The following NUP205 variants were observed in gnomAD, a reference collection of about 807,000 sequenced individuals.
NUP205 encodes nuclear pore complex protein Nup205.
Under a neutral mutation model 253.8 loss-of-function variants are expected in NUP205, and 76 were observed. That is an observed-to-expected ratio of 0.30 (90% CI 0.25 to 0.36). NUP205 has a LOEUF of 0.36. NUP205 is among the 10% of genes least tolerant of loss of function. The pLI is 1.00. For missense variants in NUP205, 2,162 were observed against 2,425.5 expected (o/e 0.89, Z 2.28); for synonymous variants, 832 against 850.1 (o/e 0.98, Z 0.37).
intron 10 of NUP205, among the ~76,000 whole-genome samples, chr7:135,590,978 A>G (rs1372607563): frequency 6.6e-6 from 1 of 152,218 alleles, no homozygotes; most frequent in Non-Finnish European, 1.5e-5. Flanking sequence ...GAAAATTAAG[A>G]AATAGACTTA....
Position 135,632,825 on chromosome 7 carries a change from G to A in NUP205, c.5059+2355G>A, listed in dbSNP as rs1794739908. On this transcript the variant is annotated intron_variant, in intron 35 of 42. Transcript: ENST00000285968. The stretch of plus-strand genomic sequence containing the variant: ...CAGGACTTAACTAATTACTCTCAAT[G>A]TACTTCTGTAAATTGCAGGGTCTCC... Among the ~76,000 whole-genome samples the A allele has an allele frequency of 2.0e-5, 3 of 152,080 alleles. No individual in the cohort carries two copies. In the South Asian group the frequency reaches 6.2e-4, roughly 32 times the overall value.
intron 22 of NUP205, among the ~76,000 whole-genome samples, chr7:135,612,213 A>G (rs1007142476): frequency 6.6e-6 from 1 of 152,214 alleles, no homozygotes; most frequent in East Asian, 1.9e-4. Context: ...TTATAAAGTC[A>G]TTGTGAAAAC....
At chr7:135,570,900 TTA>T (rs1486927880) in intron 1 of NUP205, among the ~76,000 whole-genome samples, 3 of 124,552 alleles carry the variant, frequency 2.4e-5, no homozygotes, top group African/African-American at 9.2e-5. Flanking sequence ...TATTATATAT[TTA>T]TATATAATAT....
intron 23 of NUP205, among the ~76,000 whole-genome samples, chr7:135,615,070 A>T (rs1794327496): frequency 6.6e-6 from 1 of 152,200 alleles, no homozygotes; most frequent in Non-Finnish European, 1.5e-5. Flanking sequence ...TTGTTTAAGA[A>T]GCTTTTAGAA....
chr7:135,558,117 C>A, intron 1 of NUP205, 145 bp downstream of exon 1: 2 of 720,394 alleles, frequency 2.8e-6, no homozygotes, highest in Non-Finnish European at 2.5e-6. Flanking sequence ...AGAGTCCCAC[C>A]CCTCCCCAGT....
At position 135,614,970 on chromosome 7, in the gene NUP205, G is replaced by C. The variant is rs144838562; in HGVS notation, c.3310+697G>C. ...TTGTCAGCATCTAATTTACCTTTTA[G>C]AGTAATGGCGTTAGACCTCTGAGAA... On this transcript the variant is annotated intron_variant, in intron 23 of 42. Transcript: ENST00000285968. Among the ~76,000 whole-genome samples, 275 of 152,258 alleles carry C rather than the reference G, an allele frequency of 1.8e-3. 1 individual carries two copies. The highest frequency in any genetic ancestry group is 6.3e-3 in the African/African-American group (263 of 41,550).
At chr7:135,637,691 A>G (rs961034293) in intron 36 of NUP205, among the ~76,000 whole-genome samples, 1 of 152,182 alleles carries the variant, frequency 6.6e-6, no homozygotes, top group Non-Finnish European at 1.5e-5. Context: ...TTTAGATGAT[A>G]CTGGGATTTA....
rs148456879 is a variant in NUP205 at position 135,607,136 on chromosome 7, G to A, written c.3071-111G>A. The A allele has an allele frequency of 6.6e-4, 883 of 1,336,190 alleles. 4 individuals are homozygous for A. The East Asian group carries it at 0.012, about 18-fold the overall frequency. The allele number at this position is 1,336,190 out of a possible 1,614,324, so 82.8% of individuals were successfully genotyped here. A position where few individuals can be genotyped will look rare whatever the true frequency, so the allele number is the denominator to read the frequency against. On this transcript the variant is annotated intron_variant, in intron 21 of 42. Coordinates refer to ENST00000285968, the MANE Select transcript of NUP205 (RefSeq NM_015135.3). ...TTTTCTGTTATCAGTATTTGAAAGA[G>A]TGTTTACAGTACAGCATATATTTAA... is the stretch of plus-strand genomic sequence containing the variant.
intron 1 of NUP205, among the ~76,000 whole-genome samples, chr7:135,566,960 C>G (rs1049358647): frequency 6.6e-6 from 1 of 150,814 alleles, no homozygotes; most frequent in African/African-American, 2.4e-5. Flanking sequence ...TGGCTGGTCT[C>G]GAACTCCTGA....
intron 20 of NUP205, 143 bp from the exon 21 acceptor site, chr7:135,606,608 A>G (rs1794090813): frequency 1.5e-6 from 1 of 656,666 alleles, no homozygotes; most frequent in Admixed American, 2.9e-5. Context: ...TCCACTTTAA[A>G]TAAATCTGAA....
chr7:135,578,028 TTGAG>T lies in NUP205; in HGVS notation c.877+6_877+9del. On this transcript the variant is annotated splice_donor_5th_base_variant and intron_variant, in intron 6 of 42. Transcript: ENST00000285968. ...CAAAGCACAGAGGAACGAGATGGTATTGAGTTTTATACATTTTCCTACATTAAAA... is the reference window on the plus strand; with the variant it reads ...CAAAGCACAGAGGAACGAGATGGTATTTTTATACATTTTCCTACATTAAAA... 6.3e-7 allele frequency: 1 copy of T among 1,587,804 alleles called. No homozygotes were observed. Among genetic ancestry groups the T allele is most frequent in the Middle Eastern group, 1.7e-4 (1 of 6,006 alleles).
At chr7:135,581,437 C>T (rs748743611) in intron 7 of NUP205, among the ~76,000 whole-genome samples, 6 of 151,922 alleles carry the variant, frequency 3.9e-5, no homozygotes, top group Non-Finnish European at 4.4e-5. Flanking sequence ...GTCCCAGCTA[C>T]GCAGGAGGCT....
At position 135,563,348 on chromosome 7, in the gene NUP205, T is replaced by C. The variant is rs751512390; in HGVS notation, c.28+5376T>C. On this transcript the variant is annotated intron_variant, in intron 1 of 42. Coordinates refer to ENST00000285968, the MANE Select transcript of NUP205 (RefSeq NM_015135.3). Reference sequence around the variant, plus strand: ...GACTACAGGCGCATGCCATCACGCCTGGCTAATTTTTTGTATTTTTGGTAG... The same window carrying C: ...GACTACAGGCGCATGCCATCACGCCCGGCTAATTTTTTGTATTTTTGGTAG... Among the ~76,000 whole-genome samples, 10 of 152,012 alleles carry C rather than the reference T, an allele frequency of 6.6e-5. No individual in the cohort carries two copies. The South Asian group carries it at 1.0e-3, about 16-fold the overall frequency.
In NUP205 at chr7:135,638,548, T is replaced by C. The variant is rs777652316; in HGVS notation, c.5266-9T>C. On this transcript the variant is annotated splice_polypyrimidine_tract_variant and intron_variant, in intron 37 of 42. Transcript: ENST00000285968. ...TCTTAACATTTTTGTTACTGTTTTTTGATTATAGATTTGTGCCAATGTAAT... is the reference window on the plus strand; with the variant it reads ...TCTTAACATTTTTGTTACTGTTTTTCGATTATAGATTTGTGCCAATGTAAT... The C allele has an allele frequency of 1.3e-5, 21 of 1,612,330 alleles. No homozygotes were observed. Among genetic ancestry groups the C allele is most frequent in the Non-Finnish European group, 1.7e-5 (20 of 1,179,410 alleles).
intron 24 of NUP205, among the ~76,000 whole-genome samples, chr7:135,616,273 C>G (rs184006359): frequency 2.6e-5 from 4 of 152,176 alleles, no homozygotes; most frequent in African/African-American, 9.6e-5. Context: ...TATAATCATA[C>G]CGGTATTATA....
In NUP205 at chr7:135,606,222, A is replaced by G. The variant is rs774593308; in HGVS notation, c.2901A>G (p.Glu967=). 1 of 1,601,370 alleles carries G rather than the reference A, an allele frequency of 6.2e-7. No homozygotes were observed. The highest frequency in any genetic ancestry group is 8.6e-7 in the Non-Finnish European group (1 of 1,168,680). The change falls in exon 20 of 43, where the codon GAA becomes GAG. Residue 967 remains glutamate (E), a synonymous_variant. Coordinates refer to ENST00000285968, the MANE Select transcript of NUP205 (RefSeq NM_015135.3). ...CEDAEEFVRL[E]EGSELEKKLV... ...ATGCAGAAGAATTTGTACGTCTGGA[A>G]GAGGGTATGCCTTAGATTAATGTGC...
intron 28 of NUP205, among the ~76,000 whole-genome samples, chr7:135,619,208 A>T (rs1253990298): frequency 2.0e-5 from 3 of 151,720 alleles, no homozygotes; most frequent in Non-Finnish European, 4.4e-5. Flanking sequence ...TACGAGCATG[A>T]TGGTGTGCAC....
At chr7:135,631,514 C>A (rs1794712806) in intron 35 of NUP205, among the ~76,000 whole-genome samples, 1 of 152,206 alleles carries the variant, frequency 6.6e-6, no homozygotes, top group African/African-American at 2.4e-5. Flanking sequence ...ATGATGACTT[C>A]TTTTACACTT....
chr7:135,591,331 G>A, intron 10 of NUP205, 119 bp from the exon 11 acceptor site: 1 of 754,494 alleles, frequency 1.3e-6, no homozygotes. Context: ...AAATTTGTCT[G>A]TTGCGAGGGT....
Sources: gnomAD v4.1 joint callset for allele counts (sites outside exome capture counted in the v4.1 genomes callset) on GRCh38, gnomAD v4.1.1 for gene constraint, MANE v1.5 for transcripts, NCBI Gene and HGNC (gene_info 2026-07-23, HGNC 2026-07-21) for gene names.